Variants in EPSTI1 observed in about 807,000 individuals in gnomAD.
EPSTI1 encodes the protein epithelial-stromal interaction protein 1.
A neutral mutation model predicts 49.9 loss-of-function variants in EPSTI1; 66 were observed. That is an observed-to-expected ratio of 1.32 (90% CI 1.08 to 1.62). EPSTI1 has a LOEUF of 1.62. Ranked by LOEUF, EPSTI1 falls within the 40% of genes most tolerant of loss-of-function variation. EPSTI1 has a pLI of 0.00. For missense variants in EPSTI1, 394 were observed against 365.5 expected (o/e 1.08, Z -0.64); for synonymous variants, 137 against 130.7 (o/e 1.05, Z -0.33).
chr13:42,897,416 A>G (rs774078892), intron 9 of EPSTI1, among the ~76,000 whole-genome samples: 1 of 152,146 alleles, frequency 6.6e-6, no homozygotes, highest in Non-Finnish European at 1.5e-5. Context: ...TATAATTTCC[A>G]CATGGTGAGG....
At chr13:42,911,748 C>G (rs1422420145) in intron 8 of EPSTI1, among the ~76,000 whole-genome samples, 3 of 152,250 alleles carry the variant, frequency 2.0e-5, no homozygotes, top group South Asian at 2.1e-4. Context: ...TTGACCTTAT[C>G]AAAGAACAAG....
chr13:42,932,072 T>C (rs1041905973), intron 6 of EPSTI1, among the ~76,000 whole-genome samples: 1 of 152,024 alleles, frequency 6.6e-6, no homozygotes, highest in African/African-American at 2.4e-5. Flanking sequence ...CCCAAGTAGT[T>C]GGGACTACAG....
At chr13:42,889,711 A>G (rs2036972525) in intron 10 of EPSTI1, among the ~76,000 whole-genome samples, 1 of 151,926 alleles carries the variant, frequency 6.6e-6, no homozygotes, top group Non-Finnish European at 1.5e-5. Flanking sequence ...GTCCTAAATA[A>G]AAGTTTAATT....
intron 4 of EPSTI1, among the ~76,000 whole-genome samples, chr13:42,963,788 TA>T (rs1345955615): frequency 6.6e-6 from 1 of 152,180 alleles, no homozygotes; most frequent in African/African-American, 2.4e-5. Context: ...CCAAACATAG[TA>T]GACTTTAAAC....
chr13:42,958,768 T>A (rs1264160967), intron 5 of EPSTI1, among the ~76,000 whole-genome samples: 1 of 144,636 alleles, frequency 6.9e-6, no homozygotes, highest in Non-Finnish European at 1.5e-5. Context: ...GGTAATTGGG[T>A]TTGGTTCCCA....
At chr13:42,926,508 C>A in intron 6 of EPSTI1, 79 bp from the exon 7 acceptor site, 1 of 827,172 alleles carries the variant, frequency 1.2e-6, no homozygotes, top group East Asian at 2.4e-5. Context: ...GGATACTAAC[C>A]TAGACTTATT....
At chr13:42,987,167 G>T (rs1034515016) in intron 1 of EPSTI1, among the ~76,000 whole-genome samples, 1 of 152,138 alleles carries the variant, frequency 6.6e-6, no homozygotes, top group Non-Finnish European at 1.5e-5. Context: ...AGACATACAG[G>T]TAGCCTGGAG....
intron 1 of EPSTI1, among the ~76,000 whole-genome samples, chr13:42,989,845 G>A (rs990917694): frequency 6.6e-6 from 1 of 151,552 alleles, no homozygotes; most frequent in African/African-American, 2.4e-5. Context: ...CGCCCTCCTC[G>A]GCCTCCCAAA....
intron 9 of EPSTI1, among the ~76,000 whole-genome samples, chr13:42,900,108 G>T (rs886724368): frequency 6.6e-6 from 1 of 152,150 alleles, no homozygotes; most frequent in Non-Finnish European, 1.5e-5. Context: ...AATTGTGCAT[G>T]CACATATGTA....
At chr13:42,972,321 C>A (rs1032714010) in intron 1 of EPSTI1, among the ~76,000 whole-genome samples, 1 of 152,170 alleles carries the variant, frequency 6.6e-6, no homozygotes, top group Non-Finnish European at 1.5e-5. Context: ...CAGTAGCCTG[C>A]GACTGGGTCA....
intron 10 of EPSTI1, among the ~76,000 whole-genome samples, chr13:42,893,937 C>T (rs538206028): frequency 2.0e-5 from 3 of 152,296 alleles, no homozygotes; most frequent in Non-Finnish European, 4.4e-5. Flanking sequence ...AAAGATCCTG[C>T]GTTTCAATTA....
At chr13:42,955,884 G>GT (rs1555266324) in intron 5 of EPSTI1, among the ~76,000 whole-genome samples, 1 of 143,340 alleles carries the variant, frequency 7.0e-6, no homozygotes, top group Admixed American at 6.9e-5. Context: ...ATTTGGGGGG[G>GT]GGGGGAAGTA....
At chr13:42,931,051 A>G (rs1180203516) in intron 6 of EPSTI1, among the ~76,000 whole-genome samples, 1 of 152,240 alleles carries the variant, frequency 6.6e-6, no homozygotes, top group African/African-American at 2.4e-5. Context: ...GAGTAAATGT[A>G]TGGGCCAGGC....
At chr13:42,917,645 A>AAG (rs2153418182) in intron 7 of EPSTI1, 21 bp from the exon 8 acceptor site, 1 of 1,429,842 alleles carries the variant, frequency 7.0e-7, no homozygotes. Context: ...ACAAAGAGAA[A>AAG]AAAAAAAAAA....
chr13:42,991,928 T>A, intron 1 of EPSTI1, 50 bp downstream of exon 1: 1 of 1,605,522 alleles, frequency 6.2e-7, no homozygotes, highest in Non-Finnish European at 8.5e-7. Flanking sequence ...TGAGTGAGTA[T>A]GTTTGGGGCC....
At chr13:42,892,204 G>C (rs2153408190) in intron 10 of EPSTI1, among the ~76,000 whole-genome samples, 1 of 152,350 alleles carries the variant, frequency 6.6e-6, no homozygotes, top group Middle Eastern at 3.4e-3. Flanking sequence ...CTGGTAAGCT[G>C]CTGGAAGGAC....
At chr13:42,925,749 G>A (rs1472622114) in intron 7 of EPSTI1, among the ~76,000 whole-genome samples, 1 of 152,154 alleles carries the variant, frequency 6.6e-6, no homozygotes, top group African/African-American at 2.4e-5. Flanking sequence ...TCTGATACCT[G>A]GAAAGACTCA....
At chr13:42,966,627 C>A (rs2039622631) in intron 3 of EPSTI1, among the ~76,000 whole-genome samples, 1 of 68,454 alleles carries the variant, frequency 1.5e-5, no homozygotes, top group Non-Finnish European at 3.2e-5. Flanking sequence ...CTCCGCCCGG[C>A]AGCCACCCCA....
intron 9 of EPSTI1, among the ~76,000 whole-genome samples, chr13:42,895,816 G>A (rs68170551): frequency 0.027 from 4,092 of 152,228 alleles, 102 homozygotes; most frequent in East Asian, 0.098. Flanking sequence ...CACTGCAATA[G>A]GTACCCTATG....
Sources: gnomAD v4.1 joint callset for allele counts (sites outside exome capture counted in the v4.1 genomes callset) on GRCh38, gnomAD v4.1.1 for gene constraint, MANE v1.5 for transcripts, NCBI Gene and HGNC (gene_info 2026-07-23, HGNC 2026-07-21) for gene names.